Variants in FRMPD3 observed in about 807,000 individuals in gnomAD.
The protein encoded by FRMPD3 is FERM and PDZ domain-containing protein 3.
FRMPD3 carries 42 observed loss-of-function variants against 97.9 expected under a neutral mutation model. That is an observed-to-expected ratio of 0.43 (90% confidence interval 0.34 to 0.55). FRMPD3 has a LOEUF of 0.55. FRMPD3 is among the 20% of genes least tolerant of loss of function. The pLI is 0.03. For synonymous variants in FRMPD3, 577 were observed against 581.1 expected (o/e 0.99, Z 0.10); for missense variants, 1,303 against 1,457.7 (o/e 0.89, Z 1.73).
intron 1 of FRMPD3, among the ~76,000 whole-genome samples, chrX:107,480,868 AAAGGAAGG>A (rs201864947): frequency 5.8e-4 from 39 of 66,673 alleles, no homozygotes; most frequent in South Asian, 4.8e-3. Flanking sequence ...GGAAAGAAAG[AAAGGAAGG>A]AAGGAAGGAA....
At chrX:107,501,514 GCC>G in intron 1 of FRMPD3, among the ~76,000 whole-genome samples, 3 of 73,017 alleles carry the variant, frequency 4.1e-5, no homozygotes, top group African/African-American at 1.2e-4. Context: ...GACTACAGGC[GCC>G]CGCCACCGCG....
At chrX:107,597,293 C>T (rs1021850679) in intron 13 of FRMPD3, 28 bp from the exon 14 acceptor site, 15 of 1,142,737 alleles carry the variant, frequency 1.3e-5, no homozygotes, top group Non-Finnish European at 1.8e-5. Context: ...CACCAGGGCT[C>T]ATCTGTTGAT....
rs145605326 is a variant in FRMPD3 at position 107,510,046 on chromosome X, C to T, written c.-7-16536C>T. The stretch of plus-strand genomic sequence containing the variant: ...TAAGAAGGGAGACATCAGAGCAGAG[C>T]TTGCATTCTTCCATAACAGAGAGCC... On this transcript the variant is annotated intron_variant, in intron 1 of 14. Coordinates refer to ENST00000683843, the MANE Select transcript of FRMPD3 (RefSeq NM_001388459.1). Among the ~76,000 whole-genome samples the T allele has an allele frequency of 7.5e-3, 837 of 111,235 alleles. 3 individuals are homozygous for T. The highest frequency in any genetic ancestry group is 0.024 in the African/African-American group (728 of 30,556).
chrX:107,517,973 G>A (rs1031497590), intron 1 of FRMPD3, among the ~76,000 whole-genome samples: 3 of 110,274 alleles, frequency 2.7e-5, no homozygotes, highest in Admixed American at 9.7e-5. Context: ...TCCAATGCAG[G>A]CATGGAGAAT....
At chrX:107,480,868 A>AAAGGAAGGAAGG (rs201864947) in intron 1 of FRMPD3, among the ~76,000 whole-genome samples, 30 of 66,672 alleles carry the variant, frequency 4.5e-4, no homozygotes, top group East Asian at 1.1e-3. Context: ...GGAAAGAAAG[A>AAAGGAAGGAAGG]AAGGAAGGAA....
At chrX:107,452,788 C>T (rs1027580881) in intron 1 of FRMPD3, among the ~76,000 whole-genome samples, 1 of 110,680 alleles carries the variant, frequency 9.0e-6, no homozygotes, top group Non-Finnish European at 1.9e-5. Flanking sequence ...AGCTGTGTGG[C>T]CCAGTTGGGG....
intron 1 of FRMPD3, among the ~76,000 whole-genome samples, chrX:107,490,923 T>C (rs1921641799): frequency 8.9e-6 from 1 of 112,133 alleles, no homozygotes; most frequent in African/African-American, 3.2e-5. Flanking sequence ...AGCTGGTTGA[T>C]AGCTTTTGGT....
chrX:107,537,912 C>G (rs1433832418), intron 4 of FRMPD3, among the ~76,000 whole-genome samples: 1 of 111,616 alleles, frequency 9.0e-6, no homozygotes, highest in Non-Finnish European at 1.9e-5. Flanking sequence ...TTTGATTTAC[C>G]CCATGCACAC....
At chrX:107,489,535 G>T (rs1173743115) in intron 1 of FRMPD3, among the ~76,000 whole-genome samples, 2 of 111,832 alleles carry the variant, frequency 1.8e-5, no homozygotes, top group Admixed American at 9.4e-5. Flanking sequence ...ATTCTAACTG[G>T]TGTGAGATGG....
At chrX:107,528,418 A>G (rs1922788438) in intron 2 of FRMPD3, among the ~76,000 whole-genome samples, 1 of 111,292 alleles carries the variant, frequency 9.0e-6, no homozygotes, top group Admixed American at 9.5e-5. Flanking sequence ...CTTCTGTTAG[A>G]CGGAAGAAAG....
intron 1 of FRMPD3, among the ~76,000 whole-genome samples, chrX:107,519,777 C>T (rs887561088): frequency 6.3e-5 from 7 of 111,088 alleles, no homozygotes; most frequent in Non-Finnish European, 1.3e-4. Flanking sequence ...AAGGAGGATA[C>T]TTATCTCACC....
At chrX:107,506,431 G>C (rs1425739685) in intron 1 of FRMPD3, among the ~76,000 whole-genome samples, 1 of 112,675 alleles carries the variant, frequency 8.9e-6, no homozygotes, top group Non-Finnish European at 1.9e-5. Flanking sequence ...GATCCTTTGG[G>C]GTTTAAATCA....
intron 3 of FRMPD3, among the ~76,000 whole-genome samples, chrX:107,531,182 T>G (rs1304698074): frequency 9.3e-6 from 1 of 107,127 alleles, no homozygotes; most frequent in East Asian, 3.0e-4. Flanking sequence ...TCACACCACA[T>G]ACACACACCC....
At chrX:107,466,816 C>T (rs1284560781) in intron 1 of FRMPD3, among the ~76,000 whole-genome samples, 2 of 111,805 alleles carry the variant, frequency 1.8e-5, no homozygotes, top group East Asian at 2.8e-4. Flanking sequence ...GCAAAGAAAA[C>T]TCCCACCTTT....
chrX:107,557,795 GTCTATATATATA>G (rs1196134123), intron 8 of FRMPD3, among the ~76,000 whole-genome samples: 8 of 26,608 alleles, frequency 3.0e-4, no homozygotes, highest in African/African-American at 9.9e-4. Context: ...AAAATCTGTT[GTCTATATATATA>G]TATATATATA....
chrX:107,570,859 CTGGGAAGGAGA>C (rs1922856616), intron 12 of FRMPD3, among the ~76,000 whole-genome samples: 2 of 111,607 alleles, frequency 1.8e-5, no homozygotes, highest in South Asian at 7.6e-4. Context: ...CCAGGGCACC[CTGGGAAGGAGA>C]TGTAGCTGAA....
At chrX:107,473,965 A>C (rs1356267895) in intron 1 of FRMPD3, among the ~76,000 whole-genome samples, 1 of 112,169 alleles carries the variant, frequency 8.9e-6, no homozygotes, top group Non-Finnish European at 1.9e-5. Flanking sequence ...GGCACCTGTA[A>C]TCCCAGCTAC....
intron 1 of FRMPD3, among the ~76,000 whole-genome samples, chrX:107,503,772 A>G (rs1921967386): frequency 8.9e-6 from 1 of 111,829 alleles, no homozygotes; most frequent in East Asian, 2.8e-4. Flanking sequence ...AGTTGGGGAG[A>G]GCAGTGGCAG....
chrX:107,455,061 A>AT (rs1394775931), intron 1 of FRMPD3, among the ~76,000 whole-genome samples: 6 of 111,203 alleles, frequency 5.4e-5, no homozygotes, highest in Admixed American at 9.5e-5. Flanking sequence ...TACCTTGTAC[A>AT]TTTTTTTTGC....
Sources: allele counts gnomAD v4.1 joint callset (sites outside exome capture counted in the v4.1 genomes callset), GRCh38; gene constraint gnomAD v4.1.1; transcripts MANE v1.5; gene names NCBI Gene and HGNC (gene_info 2026-07-23, HGNC 2026-07-21).